The following MRTFB variants were observed in gnomAD, a reference collection of about 807,000 sequenced individuals.
MRTFB encodes myocardin-related transcription factor B.
MRTFB carries 29 observed loss-of-function variants against 104.2 expected under a neutral mutation model. The observed-to-expected ratio is 0.28, with a 90% CI of 0.21 to 0.38. The LOEUF is 0.38. Among genes scored for constraint, MRTFB ranks in the 10% least tolerant of loss-of-function variants. The pLI is 1.00. For missense variants in MRTFB, 1,270 were observed against 1,341.6 expected (o/e 0.95, Z 0.83); for synonymous variants, 535 against 519.5 (o/e 1.03, Z -0.41).
At chr16:14,075,681 C>T (rs1455013780) in intron 1 of MRTFB, among the ~76,000 whole-genome samples, 1 of 152,178 alleles carries the variant, frequency 6.6e-6, no homozygotes, top group African/African-American at 2.4e-5. Flanking sequence ...TCACCTTTTT[C>T]TGTTCTCTCT....
chr16:14,262,655 T>C lies in MRTFB; in HGVS notation c.*1211T>C, dbSNP rs2043816881. The C allele has an allele frequency of 6.6e-6, 1 of 152,242 alleles. No homozygotes were observed. The allele number at this position is 152,242 out of a possible 1,614,324, so 9.4% of individuals were successfully genotyped here. ...ATTGTCAAGCCTAAGATTGAAAAACTGGAGGCTTTATTAGTGTTTTTATAT... is the reference window on the plus strand; with the variant it reads ...ATTGTCAAGCCTAAGATTGAAAAACCGGAGGCTTTATTAGTGTTTTTATAT... On this transcript the variant is annotated 3_prime_UTR_variant, in exon 17 of 17. Transcript: ENST00000571589.
At chr16:14,210,523 A>G (rs938721219) in intron 4 of MRTFB, among the ~76,000 whole-genome samples, 1 of 152,234 alleles carries the variant, frequency 6.6e-6, no homozygotes, top group African/African-American at 2.4e-5. Flanking sequence ...TGAATTTTAT[A>G]TTACACACAG....
At chr16:14,227,947 A>G (rs1217720453) in intron 8 of MRTFB, among the ~76,000 whole-genome samples, 1 of 147,944 alleles carries the variant, frequency 6.8e-6, no homozygotes, top group African/African-American at 2.6e-5. Flanking sequence ...GTTGCAGTCT[A>G]TCTTAAAAAA....
intron 13 of MRTFB, among the ~76,000 whole-genome samples, chr16:14,249,601 C>G (rs1245843908): frequency 6.6e-6 from 1 of 152,226 alleles, no homozygotes; most frequent in Non-Finnish European, 1.5e-5. Flanking sequence ...GCAGAATTCA[C>G]TTACCTTCTC....
At chr16:14,015,017 G>A in the MRTFB span, among the ~76,000 whole-genome samples, 54 of 152,302 alleles carry the variant, frequency 3.5e-4, no homozygotes, top group Middle Eastern at 3.4e-3. Flanking sequence ...GTGAAGGACA[G>A]TTATCGAGGC....
At chr16:14,140,894 T>C (rs916742421) in intron 3 of MRTFB, 134 bp downstream of exon 3, 1 of 849,460 alleles carries the variant, frequency 1.2e-6, no homozygotes, top group Non-Finnish European at 1.8e-6. Context: ...GTAGAGGTAC[T>C]GGATGGTTTT....
At chr16:14,088,076 T>C (rs1271867046) in intron 2 of MRTFB, among the ~76,000 whole-genome samples, 2 of 152,196 alleles carry the variant, frequency 1.3e-5, no homozygotes, top group Non-Finnish European at 2.9e-5. Flanking sequence ...GAATAATTTA[T>C]GTAATACGAA....
the MRTFB span, among the ~76,000 whole-genome samples, chr16:14,037,284 G>A: frequency 6.6e-6 from 1 of 152,330 alleles, no homozygotes; most frequent in East Asian, 1.9e-4. Context: ...GCATATTGCT[G>A]GCGCTCAATA....
intron 9 of MRTFB, among the ~76,000 whole-genome samples, chr16:14,239,451 C>A (rs921073854): frequency 2.6e-5 from 4 of 152,214 alleles, no homozygotes; most frequent in Admixed American, 6.5e-5. Flanking sequence ...GAGTACTTCT[C>A]AAAGTCTTTG....
rs557287825 is a variant in MRTFB at position 14,102,504 on chromosome 16, A to G, written c.-64+23150A>G. Reference sequence around the variant, plus strand: ...TCCCCCCTCTCAAGGACTCAAGAAAATAATTAAGGGTCATATACAGATAAG... The same window carrying G: ...TCCCCCCTCTCAAGGACTCAAGAAAGTAATTAAGGGTCATATACAGATAAG... On this transcript the variant is annotated intron_variant, in intron 2 of 16. Coordinates refer to ENST00000571589, the MANE Select transcript of MRTFB (RefSeq NM_001308142.2). Among the ~76,000 whole-genome samples the G allele has an allele frequency of 2.0e-5, 3 of 152,348 alleles. No homozygotes were observed. In the South Asian group the frequency reaches 6.2e-4, roughly 32 times the overall value.
intron 5 of MRTFB, among the ~76,000 whole-genome samples, chr16:14,212,867 C>A (rs1161226824): frequency 6.6e-6 from 1 of 152,164 alleles, no homozygotes; most frequent in Admixed American, 6.6e-5. Context: ...TTGCTACATT[C>A]AACTCTGCTT....
At chr16:14,058,546 G>C in the MRTFB span, among the ~76,000 whole-genome samples, 3 of 152,050 alleles carry the variant, frequency 2.0e-5, no homozygotes, top group African/African-American at 7.3e-5. Flanking sequence ...TGGGAAACAG[G>C]TCAAGAAGAA....
rs142062484 is a variant in MRTFB at position 14,177,903 on chromosome 16, GGTGTGTGTGTGTGTGTGT to G, written c.155-32324_155-32307del. Among the ~76,000 whole-genome samples, 4 of 145,962 alleles carry G rather than the reference GGTGTGTGTGTGTGTGTGT, an allele frequency of 2.7e-5. No individual in the cohort carries two copies. The highest frequency in any genetic ancestry group is 6.1e-5 in the Non-Finnish European group (4 of 65,844). ...CGAGAAGTACATGAACCAGAGGTAG[GGTGTGTGTGTGTGTGTGT>G]GTGTGTGTGTGTGTGCACGCATTGG... On this transcript the variant is annotated intron_variant, in intron 3 of 16. Coordinates refer to ENST00000571589, the MANE Select transcript of MRTFB (RefSeq NM_001308142.2). The surrounding 1 kb of genome is among the most constrained non-coding windows in gnomAD (Gnocchi z 4.7).
chr16:14,193,612 G>A (rs991597704), intron 3 of MRTFB: 7 of 152,156 alleles, frequency 4.6e-5, no homozygotes, highest in African/African-American at 1.7e-4. Flanking sequence ...TATGAGGATG[G>A]CGCTAAGTCT....
At chr16:14,067,177 A>C (rs1757816395), upstream of MRTFB, among the ~76,000 whole-genome samples, 1 of 151,486 alleles carries the variant, frequency 6.6e-6, no homozygotes, top group South Asian at 2.1e-4. Context: ...CAGTTCCTAT[A>C]AAACGTTCCC....
At chr16:14,108,543 A>G (rs570759024) in intron 2 of MRTFB, among the ~76,000 whole-genome samples, 1 of 152,338 alleles carries the variant, frequency 6.6e-6, no homozygotes, top group South Asian at 2.1e-4. Context: ...TATGTGAGAG[A>G]TGGTCAAGTA....
At chr16:14,062,589 T>C in the MRTFB span, among the ~76,000 whole-genome samples, 2 of 152,140 alleles carry the variant, frequency 1.3e-5, no homozygotes, top group African/African-American at 4.8e-5. Flanking sequence ...TGTCCAAGTC[T>C]CACAGGCTCT....
intron 10 of MRTFB, among the ~76,000 whole-genome samples, chr16:14,242,787 A>AT (rs549145726): frequency 2.2e-4 from 34 of 152,168 alleles, no homozygotes; most frequent in African/African-American, 8.0e-4. Context: ...ATAGATTAAC[A>AT]TGTTTCTGTT....
chr16:14,029,530 CATAT>C, the MRTFB span, among the ~76,000 whole-genome samples: 1,149 of 145,732 alleles, frequency 7.9e-3, 14 homozygotes, highest in African/African-American at 0.028. Flanking sequence ...CACACACACA[CATAT>C]ATATATATAG....
Sources: gnomAD v4.1 joint callset for allele counts (sites outside exome capture counted in the v4.1 genomes callset) on GRCh38, gnomAD v4.1.1 for gene constraint, Gnocchi (gnomAD v3.1) non-coding constraint, MANE v1.5 for transcripts, NCBI Gene and HGNC (gene_info 2026-07-23, HGNC 2026-07-21) for gene names.